EPHA6: variants seen among roughly 807,000 people sequenced by gnomAD.
The protein encoded by EPHA6 is ephrin type-A receptor 6.
A neutral mutation model predicts 112.0 loss-of-function variants in EPHA6; 50 were observed. The observed-to-expected ratio is 0.45, with a 90% CI of 0.36 to 0.56. The LOEUF (loss-of-function observed/expected upper bound fraction) is 0.56, where lower values mean the gene tolerates loss of function less well. Among genes scored for constraint, EPHA6 ranks in the 20% least tolerant of loss-of-function variants. The probability of loss-of-function intolerance (pLI) is 0.00; values close to 1 mark genes in which losing one functional copy is unlikely to be tolerated. For synonymous variants in EPHA6, 529 were observed against 490.7 expected, an observed-to-expected ratio of 1.08 and a Z score of -1.03; for missense variants, 1,280 against 1,417.4, an observed-to-expected ratio of 0.90 and a Z score of 1.56.
rs550162662 is a variant in EPHA6 at position 97,353,898 on chromosome 3, C to T, written c.1607-51252C>T. The stretch of plus-strand genomic sequence containing the variant: ...TGGCCACAGGGGTGCTTATGTTACC[C>T]CTCCCCCAGATCCAGGCAGTTCAGC... On this transcript the variant is annotated intron_variant, in intron 5 of 17. Transcript: ENST00000389672. Among the ~76,000 whole-genome samples the T allele has an allele frequency of 2.4e-4, 37 of 152,260 alleles. No homozygotes were observed. The South Asian group carries it at 7.2e-3, about 30-fold the overall frequency.
intron 14 of EPHA6, among the ~76,000 whole-genome samples, chr3:97,650,724 T>C (rs2094102203): frequency 6.6e-6 from 1 of 151,810 alleles, no homozygotes; most frequent in Non-Finnish European, 1.5e-5. Flanking sequence ...ATATGTGTTT[T>C]AAAGAAGAGG....
At chr3:97,215,946 A>C (rs1439195475) in intron 3 of EPHA6, among the ~76,000 whole-genome samples, 1 of 152,182 alleles carries the variant, frequency 6.6e-6, no homozygotes, top group East Asian at 1.9e-4. Context: ...CCTTTTTGAC[A>C]ATTCACTAAC....
At chr3:97,212,341 T>C (rs1039393244) in intron 3 of EPHA6, among the ~76,000 whole-genome samples, 4 of 152,270 alleles carry the variant, frequency 2.6e-5, no homozygotes, top group Admixed American at 1.3e-4. Context: ...GTAAAAATCA[T>C]GTTAGAAGAT....
chr3:97,338,194 AT>A (rs1467683648), intron 5 of EPHA6, among the ~76,000 whole-genome samples: 3 of 151,920 alleles, frequency 2.0e-5, no homozygotes, highest in Non-Finnish European at 2.9e-5. Flanking sequence ...ACATTGTACA[AT>A]TCTATATATC....
chr3:96,924,738 C>G (rs1037306838), intron 2 of EPHA6, among the ~76,000 whole-genome samples: 10 of 152,040 alleles, frequency 6.6e-5, no homozygotes, highest in African/African-American at 2.4e-4. Context: ...ATGCTTCCAG[C>G]TTTTGCACAT....
chr3:97,589,312 A>C (rs541722196), intron 11 of EPHA6, among the ~76,000 whole-genome samples: 1 of 152,028 alleles, frequency 6.6e-6, no homozygotes, highest in Non-Finnish European at 1.5e-5. Context: ...GGATGATTTG[A>C]AAACTGATTA....
intron 15 of EPHA6, among the ~76,000 whole-genome samples, chr3:97,727,469 G>A (rs2034825520): frequency 6.6e-6 from 1 of 151,978 alleles, no homozygotes. Context: ...TTTCAGCCAA[G>A]AATAGTGGAT....
intron 3 of EPHA6, among the ~76,000 whole-genome samples, chr3:97,069,632 G>C (rs1001701923): frequency 6.6e-6 from 1 of 152,014 alleles, no homozygotes; most frequent in Admixed American, 6.6e-5. Context: ...CACCCAAACA[G>C]CATCTGTATG....
intron 7 of EPHA6, among the ~76,000 whole-genome samples, chr3:97,466,675 C>A (rs1294562549): frequency 6.6e-6 from 1 of 151,842 alleles, no homozygotes; most frequent in Non-Finnish European, 1.5e-5. Flanking sequence ...TCTACATATA[C>A]CCTATTCTAG....
chr3:97,190,346 T>A (rs2077268306), intron 3 of EPHA6, among the ~76,000 whole-genome samples: 2 of 152,130 alleles, frequency 1.3e-5, no homozygotes, highest in Non-Finnish European at 2.9e-5. Flanking sequence ...TTAGTGTCCC[T>A]TAGGAACAGC....
chr3:97,329,161 G>A (rs1454958052), intron 5 of EPHA6, among the ~76,000 whole-genome samples: 1 of 151,912 alleles, frequency 6.6e-6, no homozygotes, highest in African/African-American at 2.4e-5. Flanking sequence ...CTTTTTTATG[G>A]CTGCATAGTA....
intron 11 of EPHA6, among the ~76,000 whole-genome samples, chr3:97,562,076 A>G (rs565893692): frequency 6.6e-6 from 1 of 152,286 alleles, no homozygotes; most frequent in Non-Finnish European, 1.5e-5. Flanking sequence ...GCACTTAGTC[A>G]CCCAAGAGCT....
chr3:97,009,083 C>T lies in EPHA6; in HGVS notation c.1114+21090C>T, dbSNP rs147155057. ...CTCCTGTATAGGGTGTCTGACAACCCAGTTGAGTGTCACGGGGAGCAGGAC... is the reference window on the plus strand; with the variant it reads ...CTCCTGTATAGGGTGTCTGACAACCTAGTTGAGTGTCACGGGGAGCAGGAC... On this transcript the variant is annotated intron_variant, in intron 3 of 17. Coordinates refer to ENST00000389672, the MANE Select transcript of EPHA6 (RefSeq NM_001080448.3). 3.5e-3 allele frequency among the ~76,000 whole-genome samples: 531 copies of T among 152,176 alleles called. 3 individuals are homozygous for T. Among genetic ancestry groups the T allele is most frequent in the African/African-American group, 0.012 (510 of 41,526 alleles).
At chr3:97,740,152 C>A (rs2035437985) in intron 16 of EPHA6, among the ~76,000 whole-genome samples, 1 of 152,092 alleles carries the variant, frequency 6.6e-6, no homozygotes, top group Admixed American at 6.6e-5. Context: ...CCTACCTCCC[C>A]CACCCTCACC....
intron 2 of EPHA6, among the ~76,000 whole-genome samples, chr3:96,883,003 A>T (rs1345335938): frequency 2.0e-5 from 3 of 152,142 alleles, no homozygotes. Flanking sequence ...GAATCTCCAC[A>T]CTGTTTTCCA....
At chr3:97,546,086 T>G (rs950388955) in intron 11 of EPHA6, among the ~76,000 whole-genome samples, 21 of 152,240 alleles carry the variant, frequency 1.4e-4, no homozygotes, top group Non-Finnish European at 2.5e-4. Flanking sequence ...TATTGTTATG[T>G]GTGAATTTGA....
chr3:97,704,760 CTATT>C (rs1446284003), intron 14 of EPHA6, among the ~76,000 whole-genome samples: 1 of 151,964 alleles, frequency 6.6e-6, no homozygotes, highest in Non-Finnish European at 1.5e-5. Flanking sequence ...CTTTGACTCT[CTATT>C]TAGATTATTT....
intron 6 of EPHA6, among the ~76,000 whole-genome samples, chr3:97,406,518 G>T (rs1457868863): frequency 6.6e-6 from 1 of 152,052 alleles, no homozygotes; most frequent in Non-Finnish European, 1.5e-5. Flanking sequence ...CCTCTTAAAG[G>T]TTCCATCTCT....
intron 5 of EPHA6, among the ~76,000 whole-genome samples, chr3:97,345,126 T>C (rs2083474810): frequency 6.6e-6 from 1 of 152,138 alleles, no homozygotes; most frequent in Admixed American, 6.5e-5. Flanking sequence ...AGTAAATTAT[T>C]TCACATGTAC....
Sources: allele counts gnomAD v4.1 joint callset (sites outside exome capture counted in the v4.1 genomes callset), GRCh38; gene constraint gnomAD v4.1.1; transcripts MANE v1.5; gene names NCBI Gene and HGNC (gene_info 2026-07-23, HGNC 2026-07-21).